KANTR: variants seen among roughly 807,000 people sequenced by gnomAD.
The protein encoded by KANTR is KANTR integral membrane protein, also known as KDM5C adjacent transcript.
chrX:53,140,965 C>T (rs1933494659), intron 2 of KANTR, among the ~76,000 whole-genome samples: 1 of 111,280 alleles, frequency 9.0e-6, no homozygotes, highest in Admixed American at 9.6e-5. Context: ...AGTTCGAGAC[C>T]AGCCTGACCA....
chrX:53,098,100 A>G (rs1932861083), intron 1 of KANTR, among the ~76,000 whole-genome samples: 1 of 108,894 alleles, frequency 9.2e-6, no homozygotes, highest in South Asian at 3.9e-4. Flanking sequence ...ATTACAGTGT[A>G]ACTATCAAAA....
chrX:53,103,048 G>A (rs1478072795), intron 2 of KANTR, among the ~76,000 whole-genome samples: 2 of 101,864 alleles, frequency 2.0e-5, no homozygotes, highest in Non-Finnish European at 3.9e-5. Context: ...GCAGTGGTGC[G>A]ATCTCAGCTC....
intron 1 of KANTR, among the ~76,000 whole-genome samples, chrX:53,098,208 A>G (rs1932861829): frequency 8.9e-6 from 1 of 111,734 alleles, no homozygotes; most frequent in African/African-American, 3.3e-5. Flanking sequence ...TTCCCAGTGC[A>G]TATAAAAGTT....
intron 2 of KANTR, among the ~76,000 whole-genome samples, chrX:53,105,418 G>A (rs1055328288): frequency 9.0e-6 from 1 of 110,903 alleles, no homozygotes; most frequent in African/African-American, 3.3e-5. Flanking sequence ...TATATCTTTG[G>A]AGAAATGTCT....
At chrX:53,129,987 C>T (rs1483711743), downstream of KANTR, among the ~76,000 whole-genome samples, 2 of 109,280 alleles carry the variant, frequency 1.8e-5, no homozygotes, top group Admixed American at 9.9e-5. Context: ...CTGCCTCAGC[C>T]TCCCAAGTAG....
At chrX:53,140,204 T>C (rs1036261413) in intron 2 of KANTR, among the ~76,000 whole-genome samples, 2 of 112,061 alleles carry the variant, frequency 1.8e-5, no homozygotes, top group Admixed American at 9.4e-5. Context: ...AAATTAGATA[T>C]GCATTTACTG....
At chrX:53,142,890 G>C (rs1167150242), downstream of KANTR, 1 of 549,625 alleles carries the variant, frequency 1.8e-6, no homozygotes, top group African/African-American at 2.3e-5. Context: ...TCTGCTGGAA[G>C]GTGGACAGTG....
downstream of KANTR, among the ~76,000 whole-genome samples, chrX:53,132,214 C>T (rs1569240249): frequency 8.9e-6 from 1 of 111,766 alleles, no homozygotes; most frequent in Non-Finnish European, 1.9e-5. Flanking sequence ...ATAAAAATCT[C>T]AGCAGGCTTT....
At chrX:53,096,488 G>A (rs1932845719) in intron 1 of KANTR, among the ~76,000 whole-genome samples, 1 of 112,088 alleles carries the variant, frequency 8.9e-6, no homozygotes, top group African/African-American at 3.2e-5. Flanking sequence ...TCCATAGCTA[G>A]GGTTGTCACT....
At chrX:53,121,049 A>AGT (rs1468804912) in intron 2 of KANTR, among the ~76,000 whole-genome samples, 21 of 109,528 alleles carry the variant, frequency 1.9e-4, no homozygotes, top group African/African-American at 6.7e-4. Context: ...CCTAGTCTGG[A>AGT]GTGCAGTGGC....
chrX:53,130,273 A>G (rs1466446987), downstream of KANTR, among the ~76,000 whole-genome samples: 8 of 112,588 alleles, frequency 7.1e-5, no homozygotes, highest in African/African-American at 1.3e-4. Context: ...CAGGCATGAC[A>G]TATTCTGAAG....
At chrX:53,109,383 C>T (rs1344235837) in intron 2 of KANTR, among the ~76,000 whole-genome samples, 1 of 112,390 alleles carries the variant, frequency 8.9e-6, no homozygotes, top group Non-Finnish European at 1.9e-5. Flanking sequence ...CTCCCAGTTT[C>T]AAACGATTCT....
At chrX:53,136,467 A>G (rs1464166900) in intron 2 of KANTR, among the ~76,000 whole-genome samples, 2 of 97,004 alleles carry the variant, frequency 2.1e-5, no homozygotes, top group East Asian at 6.7e-4. Context: ...TGAACTCCTC[A>G]CCTCAGGTGA....
chrX:53,101,188 CT>C (rs1372801324), intron 2 of KANTR, among the ~76,000 whole-genome samples: 4 of 113,101 alleles, frequency 3.5e-5, no homozygotes, highest in Admixed American at 2.8e-4. Context: ...CCTTCAAAAA[CT>C]TTTCCTTTGC....
rs893893752 is a variant in KANTR, at chrX:53,141,352, A to G, written n.204-496A>G. 6.3e-5 allele frequency among the ~76,000 whole-genome samples: 7 copies of G among 110,549 alleles called. No homozygotes were observed. In the Admixed American group the frequency reaches 6.8e-4, roughly 11 times the overall value. ...TGTGGGAATCATTCGACTTAACCTGATTTTTGCCTTCCTCCTGCTCATCAT... is the reference window on the plus strand; with the variant it reads ...TGTGGGAATCATTCGACTTAACCTGGTTTTTGCCTTCCTCCTGCTCATCAT... On this transcript the variant is annotated intron_variant and non_coding_transcript_variant, in intron 2 of 2. Transcript: ENST00000366185.
chrX:53,105,416 T>C (rs190106228), intron 2 of KANTR, among the ~76,000 whole-genome samples: 1 of 111,930 alleles, frequency 8.9e-6, no homozygotes, highest in Non-Finnish European at 1.9e-5. Context: ...TGTATATCTT[T>C]GGAGAAATGT....
chrX:53,096,212 A>G (rs1187059723), intron 1 of KANTR, among the ~76,000 whole-genome samples: 1 of 111,341 alleles, frequency 9.0e-6, no homozygotes, highest in African/African-American at 3.3e-5. Context: ...TTTGCTGTTT[A>G]TTGTCTGACT....
intron 2 of KANTR, among the ~76,000 whole-genome samples, chrX:53,100,588 A>C (rs782004516): frequency 1.5e-3 from 165 of 111,515 alleles, no homozygotes; most frequent in Non-Finnish European, 2.6e-3. Context: ...TCACAAGGTC[A>C]GGAGTTTGAG....
At position 53,137,966 on chromosome X, in the gene KANTR, T is replaced by C. The variant is rs1382081483; in HGVS notation, n.204-3882T>C. 1.8e-4 allele frequency among the ~76,000 whole-genome samples: 20 copies of C among 111,647 alleles called. No individual in the cohort carries two copies. In the Admixed American group the frequency reaches 1.8e-3, roughly 10 times the overall value. On this transcript the variant is annotated intron_variant and non_coding_transcript_variant, in intron 2 of 2. Transcript: ENST00000366185. ...GAAGTCTGTCTCTTTTATTGGTCTTTTCAAAGAATCTGCTTTGGTTTGCTT... is the reference window on the plus strand; with the variant it reads ...GAAGTCTGTCTCTTTTATTGGTCTTCTCAAAGAATCTGCTTTGGTTTGCTT...
Sources: allele counts gnomAD v4.1 joint callset (sites outside exome capture counted in the v4.1 genomes callset), GRCh38; gene constraint gnomAD v4.1.1; transcripts MANE v1.5; gene names NCBI Gene and HGNC (gene_info 2026-07-23, HGNC 2026-07-21).